EYS: variants seen among roughly 807,000 people sequenced by gnomAD.
EYS encodes the protein EGF-like photoreceptor maintenance factor, also known as protein eyes shut homolog.
Under a neutral mutation model 282.1 loss-of-function variants are expected in EYS, and 250 were observed. The ratio of observed to expected loss-of-function variants is 0.89; its 90% CI spans 0.80 to 0.98. The LOEUF is 0.98. EYS is among the 50% of genes least tolerant of loss of function. The probability of loss-of-function intolerance (pLI) is 0.00; values close to 1 mark genes in which losing one functional copy is unlikely to be tolerated. For synonymous variants in EYS, 1,355 were observed against 1,282.9 expected (o/e 1.06, Z -1.20); for missense variants, 4,016 against 3,709.0 (o/e 1.08, Z -2.15).
chr6:64,307,668 T>C (rs1769505452), intron 29 of EYS, among the ~76,000 whole-genome samples: 1 of 152,084 alleles, frequency 6.6e-6, no homozygotes, highest in South Asian at 2.1e-4. Context: ...GTTAAAAATA[T>C]TGCATTGTAT....
At chr6:64,136,536 C>T (rs1774166619) in intron 31 of EYS, among the ~76,000 whole-genome samples, 2 of 152,008 alleles carry the variant, frequency 1.3e-5, no homozygotes, top group South Asian at 4.1e-4. Context: ...AAATATAAGA[C>T]TTGGAAGTTG....
At chr6:65,190,174 A>C (rs1215737537) in intron 12 of EYS, among the ~76,000 whole-genome samples, 2 of 150,862 alleles carry the variant, frequency 1.3e-5, no homozygotes, top group Non-Finnish European at 3.0e-5. Context: ...TCGTGGGCCT[A>C]TTTTCTTATG....
At chr6:64,114,740 A>G (rs1773317889) in intron 31 of EYS, among the ~76,000 whole-genome samples, 1 of 152,190 alleles carries the variant, frequency 6.6e-6, no homozygotes, top group African/African-American at 2.4e-5. Flanking sequence ...TTTCACAGCA[A>G]GGTCTCCTTA....
intron 26 of EYS, among the ~76,000 whole-genome samples, chr6:64,556,321 A>C (rs1286286445): frequency 6.6e-6 from 1 of 152,022 alleles, no homozygotes; most frequent in Non-Finnish European, 1.5e-5. Flanking sequence ...CTATGGGTAC[A>C]TGCAGCAGTA....
intron 35 of EYS, among the ~76,000 whole-genome samples, chr6:63,953,951 A>G (rs1167220426): frequency 6.6e-6 from 1 of 152,060 alleles, no homozygotes; most frequent in African/African-American, 2.4e-5. Flanking sequence ...ATCACAAACT[A>G]TGCTCAACTG....
intron 31 of EYS, among the ~76,000 whole-genome samples, chr6:64,116,583 T>C (rs1369270631): frequency 3.3e-5 from 5 of 152,050 alleles, no homozygotes; most frequent in African/African-American, 7.2e-5. Flanking sequence ...TCAAAAGACA[T>C]AGAGTAGATA....
rs115478866 is a variant in EYS, at chr6:65,566,823, T to C, written c.-332-70830A>G. On this transcript the variant is annotated intron_variant, in intron 2 of 42. Coordinates refer to ENST00000503581, the MANE Select transcript of EYS (RefSeq NM_001142800.2). ...TATGATTTAGTAGTTTAAAAAATCA[T>C]ATCCAAAGAGTTAGCTCAGAAATTA... Among the ~76,000 whole-genome samples, 1,166 of 152,284 alleles carry C rather than the reference T, an allele frequency of 7.7e-3. 19 individuals carry two copies. Among genetic ancestry groups the C allele is most frequent in the African/African-American group, 0.025 (1,045 of 41,560 alleles).
rs577007342 is a variant in EYS at position 65,431,761 on chromosome 6, A to C, written c.863-26394T>G. ...TTTCATAATGAAAATGAAGAATAAA[A>C]TCAAACTAAGTTTTAAAATGTGAGC... On this transcript the variant is annotated intron_variant, in intron 5 of 42. Coordinates refer to ENST00000503581, the MANE Select transcript of EYS (RefSeq NM_001142800.2). Among the ~76,000 whole-genome samples, 6 of 152,256 alleles carry C rather than the reference A, an allele frequency of 3.9e-5. No homozygotes were observed. The South Asian group carries it at 1.2e-3, about 32-fold the overall frequency.
intron 13 of EYS, among the ~76,000 whole-genome samples, chr6:65,044,099 C>T (rs1297541071): frequency 2.0e-5 from 3 of 151,624 alleles, no homozygotes; most frequent in Admixed American, 6.6e-5. Flanking sequence ...AGTGATATTT[C>T]GTTGTGGTTT....
chr6:63,798,750 C>G (rs572252651), intron 37 of EYS, among the ~76,000 whole-genome samples: 7 of 151,914 alleles, frequency 4.6e-5, no homozygotes, highest in African/African-American at 1.4e-4. Context: ...TATTTATGCA[C>G]TCTTATTTCT....
intron 35 of EYS, among the ~76,000 whole-genome samples, chr6:63,886,104 A>G (rs1773255076): frequency 6.6e-6 from 1 of 152,204 alleles, no homozygotes. Flanking sequence ...TTGATGCTCA[A>G]TGCTTTTAAT....
chr6:65,516,627 A>C (rs1767146122), intron 2 of EYS, among the ~76,000 whole-genome samples: 1 of 152,230 alleles, frequency 6.6e-6, no homozygotes, highest in South Asian at 2.1e-4. Flanking sequence ...CTTAATCTGC[A>C]TCAGGCCCAA....
At chr6:64,151,317 T>TTATATATATATATATATATA (rs61575285) in intron 31 of EYS, among the ~76,000 whole-genome samples, 1 of 52,454 alleles carries the variant, frequency 1.9e-5, no homozygotes, top group Non-Finnish European at 3.2e-5. Context: ...GTGTGTATAT[T>TTATATATATATATATATATA]TATATATATA....
At chr6:65,140,766 G>T (rs1228922491) in intron 12 of EYS, among the ~76,000 whole-genome samples, 1 of 151,956 alleles carries the variant, frequency 6.6e-6, no homozygotes, top group Non-Finnish European at 1.5e-5. Flanking sequence ...GGCCATCAGA[G>T]AAATGCAAAT....
intron 11 of EYS, chr6:65,332,551 G>C: frequency 2.8e-6 from 2 of 707,820 alleles, no homozygotes; most frequent in Non-Finnish European, 4.8e-6. Context: ...GTATACAGAG[G>C]GTTTATAGTG....
intron 31 of EYS, among the ~76,000 whole-genome samples, chr6:64,120,058 T>C (rs146444200): frequency 0.019 from 2,920 of 152,074 alleles, 78 homozygotes; most frequent in African/African-American, 0.066. Context: ...GAAAAACGTA[T>C]ATCTTTTGGC....
At chr6:64,579,959 T>G (rs2149823488) in intron 26 of EYS, among the ~76,000 whole-genome samples, 1 of 152,224 alleles carries the variant, frequency 6.6e-6, no homozygotes, top group African/African-American at 2.4e-5. Flanking sequence ...TGATAATTTA[T>G]TGGGATTACT....
chr6:65,477,585 A>T (rs1233446197), intron 5 of EYS, among the ~76,000 whole-genome samples: 2 of 152,198 alleles, frequency 1.3e-5, no homozygotes, highest in African/African-American at 2.4e-5. Flanking sequence ...CCAATTCAAC[A>T]TTCTACAAGG....
intron 2 of EYS, among the ~76,000 whole-genome samples, chr6:65,596,661 G>T (rs1199941287): frequency 2.0e-5 from 3 of 151,902 alleles, no homozygotes; most frequent in Non-Finnish European, 2.9e-5. Flanking sequence ...TTAAGTAAAG[G>T]TGCTTGATAA....
Sources: allele counts gnomAD v4.1 joint callset (sites outside exome capture counted in the v4.1 genomes callset), GRCh38; gene constraint gnomAD v4.1.1; transcripts MANE v1.5; gene names NCBI Gene and HGNC (gene_info 2026-07-23, HGNC 2026-07-21).